AFG2A: variants seen among roughly 807,000 people sequenced by gnomAD.
The protein encoded by AFG2A is ATPase family gene 2 protein homolog A.
the AFG2A span, among the ~76,000 whole-genome samples, chr4:123,005,667 C>T: frequency 1.9e-4 from 29 of 152,310 alleles, no homozygotes; most frequent in East Asian, 4.8e-3. Context: ...CGGCATCACA[C>T]ATATTTGATA....
At chr4:122,947,867 C>T in the AFG2A span, among the ~76,000 whole-genome samples, 4 of 152,080 alleles carry the variant, frequency 2.6e-5, no homozygotes, top group Non-Finnish European at 4.4e-5. Flanking sequence ...ACAGTTGACC[C>T]TTGAACTATG....
chr4:123,247,224 C>CGTGTGTGTGTGT, the AFG2A span, among the ~76,000 whole-genome samples: 63 of 149,742 alleles, frequency 4.2e-4, no homozygotes, highest in Admixed American at 1.1e-3. Flanking sequence ...TACTTGCGTG[C>CGTGTGTGTGTGT]GTGTGTGTGT....
chr4:123,127,557 T>A, the AFG2A span, among the ~76,000 whole-genome samples: 1,050 of 152,288 alleles, frequency 6.9e-3, 5 homozygotes, highest in African/African-American at 0.024. Context: ...CAGTTTTTTT[T>A]AATAAATTTA....
the AFG2A span, chr4:123,090,796 T>G: frequency 6.6e-7 from 1 of 1,525,918 alleles, no homozygotes; most frequent in Admixed American, 1.9e-5. Context: ...TACTTTCTAA[T>G]CAGTATTTCA....
At chr4:123,249,345 A>G in the AFG2A span, among the ~76,000 whole-genome samples, 5 of 152,182 alleles carry the variant, frequency 3.3e-5, no homozygotes, top group Non-Finnish European at 7.4e-5. Context: ...TCCAAGTTCA[A>G]GTATAGCATT....
chr4:122,939,603 T>A, the AFG2A span, among the ~76,000 whole-genome samples: 1 of 152,142 alleles, frequency 6.6e-6, no homozygotes, highest in Non-Finnish European at 1.5e-5. Context: ...ATCAAGCCTC[T>A]TTTGCACATT....
chr4:122,998,163 A>T, the AFG2A span, among the ~76,000 whole-genome samples: 1 of 152,036 alleles, frequency 6.6e-6, no homozygotes, highest in Non-Finnish European at 1.5e-5. Context: ...TAAGTCCAGT[A>T]TCTTTTTGTT....
the AFG2A span, among the ~76,000 whole-genome samples, chr4:123,139,135 C>T: frequency 2.2e-4 from 33 of 152,050 alleles, no homozygotes; most frequent in African/African-American, 7.7e-4. Context: ...AATATTAAGA[C>T]AAAAGCTTGA....
At chr4:123,069,933 A>G in the AFG2A span, among the ~76,000 whole-genome samples, 3 of 152,220 alleles carry the variant, frequency 2.0e-5, no homozygotes, top group Admixed American at 6.5e-5. Context: ...GGCATGCCTC[A>G]TAGTTATGAA....
chr4:123,284,750 T>A, the AFG2A span, among the ~76,000 whole-genome samples: 15 of 152,260 alleles, frequency 9.9e-5, no homozygotes, highest in East Asian at 2.7e-3. Flanking sequence ...GGATTAGAAG[T>A]TTGAGGAAAA....
At chr4:122,926,880 T>A in the AFG2A span, among the ~76,000 whole-genome samples, 1 of 152,208 alleles carries the variant, frequency 6.6e-6, no homozygotes, top group African/African-American at 2.4e-5. Context: ...TAGGACCCAA[T>A]TCCTGCTTCA....
At chr4:122,942,505 C>T in the AFG2A span, among the ~76,000 whole-genome samples, 2 of 151,954 alleles carry the variant, frequency 1.3e-5, no homozygotes, top group African/African-American at 4.8e-5. Flanking sequence ...TTTATTGCGT[C>T]TATTTGATTC....
the AFG2A span, among the ~76,000 whole-genome samples, chr4:123,014,344 G>A: frequency 6.6e-6 from 1 of 152,198 alleles, no homozygotes. Context: ...TTATGCTGTT[G>A]TCATATCTGA....
the AFG2A span, among the ~76,000 whole-genome samples, chr4:123,084,999 T>A: frequency 6.6e-6 from 1 of 151,670 alleles, no homozygotes; most frequent in Admixed American, 6.6e-5. Context: ...TGTTGTTCAG[T>A]CTTTTAAGTA....
the AFG2A span, chr4:122,979,277 C>G: frequency 6.2e-7 from 1 of 1,614,206 alleles, no homozygotes; most frequent in South Asian, 1.1e-5. Flanking sequence ...CCTAACCTCC[C>G]TGATGTCAAG....
At chr4:123,127,479 A>G in the AFG2A span, among the ~76,000 whole-genome samples, 1 of 152,154 alleles carries the variant, frequency 6.6e-6, no homozygotes, top group African/African-American at 2.4e-5. Flanking sequence ...CAGTTTGTAA[A>G]TACATTTCAA....
At chr4:122,977,045 C>A in the AFG2A span, among the ~76,000 whole-genome samples, 1 of 152,178 alleles carries the variant, frequency 6.6e-6, no homozygotes, top group African/African-American at 2.4e-5. Context: ...AACCTCTCAT[C>A]CCCTCCCCTA....
the AFG2A span, among the ~76,000 whole-genome samples, chr4:123,169,600 T>G: frequency 1.3e-5 from 2 of 152,308 alleles, no homozygotes; most frequent in South Asian, 4.1e-4. Context: ...TGCCTCAGCC[T>G]CCCAAGTAGC....
chr4:123,299,157 G>T, the AFG2A span, among the ~76,000 whole-genome samples: 1 of 151,362 alleles, frequency 6.6e-6, no homozygotes, highest in South Asian at 2.1e-4. Context: ...GTGTGTCTGT[G>T]CACGCATGCA....
Sources: gnomAD v4.1 joint callset for allele counts (sites outside exome capture counted in the v4.1 genomes callset) on GRCh38, gnomAD v4.1.1 for gene constraint, MANE v1.5 for transcripts, NCBI Gene and HGNC (gene_info 2026-07-23, HGNC 2026-07-21) for gene names.